Variants in DPP9 observed in about 807,000 individuals in gnomAD.
DPP9 encodes the protein dipeptidyl peptidase IV-related protein-2.
DPP9 carries 50 observed loss-of-function variants against 110.7 expected under a neutral mutation model. The ratio of observed to expected loss-of-function variants is 0.45; its 90% CI spans 0.36 to 0.57. DPP9 has a LOEUF of 0.57. Ranked by LOEUF, DPP9 falls within the 20% of genes least tolerant of loss-of-function variation. The probability of loss-of-function intolerance (pLI) is 0.00; values close to 1 mark genes in which losing one functional copy is unlikely to be tolerated. For missense variants in DPP9, 1,022 were observed against 1,217.9 expected, an observed-to-expected ratio of 0.84 and a Z score of 2.39; for synonymous variants, 561 against 514.4, an observed-to-expected ratio of 1.09 and a Z score of -1.23.
Position 4,676,854 on chromosome 19 carries a change from C to T in DPP9, c.2587-198G>A, listed in dbSNP as rs1157288519. ...TCTAAAAAATGGGGTGAATCCGGACCTCACAGTCTTTGGGAGGATTTGGTA... is the reference window on the plus strand; with the variant it reads ...TCTAAAAAATGGGGTGAATCCGGACTTCACAGTCTTTGGGAGGATTTGGTA... On this transcript the variant is annotated intron_variant, in intron 21 of 21. Transcript: ENST00000262960. This position sits in a 1 kb window ranked among gnomAD's most constrained non-coding sequence, Gnocchi z 4.0. Among the ~76,000 whole-genome samples, 1 of 152,220 alleles carries T rather than the reference C, an allele frequency of 6.6e-6. No individual in the cohort carries two copies. Among genetic ancestry groups the T allele is most frequent in the Non-Finnish European group, 1.5e-5 (1 of 68,042 alleles).
rs1359382309 is a variant in DPP9, at chr19:4,684,497, T to A, written c.2178+166A>T. ...CCAGAGCTGAGCAGCAAAGCATACA[T>A]CCCCTTTTGTTCTAAAAGGGCGCCT... On this transcript the variant is annotated intron_variant, in intron 18 of 21. Transcript: ENST00000262960. This position sits in a 1 kb window ranked among gnomAD's most constrained non-coding sequence, Gnocchi z 4.8. 2 of 721,746 alleles carry A rather than the reference T, an allele frequency of 2.8e-6. No homozygotes were observed. Among genetic ancestry groups the A allele is most frequent in the Non-Finnish European group, 4.5e-6 (2 of 444,780 alleles). 44.7% of individuals were successfully genotyped at this position (721,746 alleles called of 1,614,324 possible). A position where few individuals can be genotyped will look rare whatever the true frequency, so the allele number is the denominator to read the frequency against.
At chr19:4,678,700 T>C (rs1423643918) in intron 21 of DPP9, among the ~76,000 whole-genome samples, 2 of 152,126 alleles carry the variant, frequency 1.3e-5, no homozygotes, top group African/African-American at 2.4e-5. Context: ...GCCTCCCTCC[T>C]GCTCTGCGGC....
chr19:4,691,711 CTT>C (rs994040368), intron 13 of DPP9, among the ~76,000 whole-genome samples: 1 of 131,804 alleles, frequency 7.6e-6, no homozygotes, highest in African/African-American at 2.9e-5. Context: ...GAGTCTTGCT[CTT>C]GTCGCCCAGG....
rs2090238789 is a variant in DPP9, at chr19:4,683,606, C to T, written c.2202G>A (p.Gln734=). 1 of 1,612,984 alleles carries T rather than the reference C, an allele frequency of 6.2e-7. No homozygotes were observed. The highest frequency in any genetic ancestry group is 1.3e-5 in the African/African-American group (1 of 74,770). ...NQMGQVEIED[Q]VEGLQFVAEK... The stretch of plus-strand genomic sequence containing the variant: ...CGGCCACGAACTGCAGGCCCTCCAC[C>T]TGGTCCTCGATCTCCACCTGGCCCT... Residue 734 remains glutamine, a synonymous_variant, in exon 19 of 22, where the codon CAG becomes CAA. Coordinates refer to ENST00000262960, the MANE Select transcript of DPP9 (RefSeq NM_139159.5).
In DPP9 at chr19:4,695,157, GAA is replaced by G. The variant is rs909185897; in HGVS notation, c.1353+219_1353+220del. ...CAGAGCAACCCTGTCTCTAATTAAAGAAAAAAATAGATGAGGGGAGAGGCTCC... is the reference window on the plus strand; with the variant it reads ...CAGAGCAACCCTGTCTCTAATTAAAGAAAAATAGATGAGGGGAGAGGCTCC... On this transcript the variant is annotated intron_variant, in intron 12 of 21. Coordinates refer to ENST00000262960, the MANE Select transcript of DPP9 (RefSeq NM_139159.5). This position sits in a 1 kb window ranked among gnomAD's most constrained non-coding sequence, Gnocchi z 4.7. 1.6e-5 allele frequency: 9 copies of G among 579,608 alleles called. No homozygotes were observed. The highest frequency in any genetic ancestry group is 1.5e-4 in the African/African-American group (8 of 52,520). The allele number at this position is 579,608 out of a possible 1,614,324, so 35.9% of individuals were successfully genotyped here. A position where few individuals can be genotyped will look rare whatever the true frequency, so the allele number is the denominator to read the frequency against.
chr19:4,680,696 C>G (rs2089735773), intron 20 of DPP9, among the ~76,000 whole-genome samples: 1 of 150,730 alleles, frequency 6.6e-6, no homozygotes, highest in African/African-American at 2.5e-5. Context: ...GTGGCTTACA[C>G]CTGTAATCCC....
At chr19:4,709,348 A>G (rs1310237264) in intron 4 of DPP9, among the ~76,000 whole-genome samples, 1 of 152,198 alleles carries the variant, frequency 6.6e-6, no homozygotes, top group Non-Finnish European at 1.5e-5. Context: ...TACTTAAAGA[A>G]AAAGATTAGA....
Position 4,680,656 on chromosome 19 carries a change from T to TTAAA in DPP9, c.2475-711_2475-710insTTTA, listed in dbSNP as rs1459050744. Among the ~76,000 whole-genome samples the TTAAA allele has an allele frequency of 2.4e-5, 3 of 127,370 alleles. 1 individual carries two copies. Among genetic ancestry groups the TTAAA allele is most frequent in the African/African-American group, 8.5e-5 (3 of 35,164 alleles). The allele number at this position is 127,370 out of a possible 152,430, so 83.6% of individuals were successfully genotyped here. A position where few individuals can be genotyped will look rare whatever the true frequency, so the allele number is the denominator to read the frequency against. On this transcript the variant is annotated intron_variant, in intron 20 of 21. Transcript: ENST00000262960. ...CTGGGAGGGTGCAGTGAGCTATGATTAAAAAAAAAAAAAAAAAATGCTGAG... is the reference window on the plus strand; with the variant it reads ...CTGGGAGGGTGCAGTGAGCTATGATTTAAAAAAAAAAAAAAAAAAAAATGCTGAG...
intron 2 of DPP9, among the ~76,000 whole-genome samples, chr19:4,720,389 T>C (rs1402327099): frequency 1.3e-5 from 2 of 152,214 alleles, no homozygotes; most frequent in Non-Finnish European, 2.9e-5. Context: ...ACACAGCTTC[T>C]GCACGACGCA....
intron 3 of DPP9, chr19:4,719,352 A>AAATC (rs1599957888): frequency 6.6e-6 from 1 of 151,684 alleles, no homozygotes; most frequent in African/African-American, 2.4e-5. Context: ...ATAAATAAAT[A>AAATC]AATAAATAAA....
At position 4,684,499 on chromosome 19, in the gene DPP9, C is replaced by T. The variant is rs964808726; in HGVS notation, c.2178+164G>A. The T allele has an allele frequency of 2.7e-6, 2 of 731,410 alleles. No homozygotes were observed. Among genetic ancestry groups the T allele is most frequent in the African/African-American group, 1.8e-5 (1 of 55,930 alleles). The allele number at this position is 731,410 out of a possible 1,614,324, so 45.3% of individuals were successfully genotyped here. On this transcript the variant is annotated intron_variant, in intron 18 of 21. Coordinates refer to ENST00000262960, the MANE Select transcript of DPP9 (RefSeq NM_139159.5). The surrounding 1 kb of genome is among the most constrained non-coding windows in gnomAD (Gnocchi z 4.8). ...AGAGCTGAGCAGCAAAGCATACATC[C>T]CCTTTTGTTCTAAAAGGGCGCCTCA...
intron 16 of DPP9, chr19:4,688,460 AG>A (rs1390666354): frequency 5.8e-6 from 2 of 346,552 alleles, no homozygotes; most frequent in Non-Finnish European, 1.0e-5. Context: ...TCCCAGTGAC[AG>A]GGTCTGTGTC....
At chr19:4,696,870 A>G (rs2091845861) in intron 11 of DPP9, among the ~76,000 whole-genome samples, 1 of 152,222 alleles carries the variant, frequency 6.6e-6, no homozygotes, top group African/African-American at 2.4e-5. Flanking sequence ...GCATTAACCA[A>G]TGCAATTAGA....
intron 14 of DPP9, among the ~76,000 whole-genome samples, chr19:4,690,484 A>G (rs2145523424): frequency 6.6e-6 from 1 of 152,332 alleles, no homozygotes; most frequent in Non-Finnish European, 1.5e-5. Flanking sequence ...ACAAGCTTCC[A>G]GTCGGGGGAG....
chr19:4,711,834 A>T (rs891346677), intron 4 of DPP9, among the ~76,000 whole-genome samples: 1 of 150,958 alleles, frequency 6.6e-6, no homozygotes, highest in Non-Finnish European at 1.5e-5. Context: ...GAAGAGAAGA[A>T]GAGGAGGAGG....
chr19:4,719,126 G>C (rs1043377409), intron 3 of DPP9: 3 of 151,908 alleles, frequency 2.0e-5, no homozygotes, highest in Non-Finnish European at 2.9e-5. Flanking sequence ...TCAGGTGATC[G>C]AGACCATCCT....
chr19:4,699,902 G>C (rs968449887), intron 10 of DPP9, among the ~76,000 whole-genome samples: 1 of 152,210 alleles, frequency 6.6e-6, no homozygotes, highest in East Asian at 1.9e-4. Context: ...ACCCACTCCC[G>C]AGGTGGCCTG....
At position 4,676,946 on chromosome 19, in the gene DPP9, C is replaced by A. The variant is rs1486513721; in HGVS notation, c.2587-290G>T. On this transcript the variant is annotated intron_variant, in intron 21 of 21. Coordinates refer to ENST00000262960, the MANE Select transcript of DPP9 (RefSeq NM_139159.5). This position sits in a 1 kb window ranked among gnomAD's most constrained non-coding sequence, Gnocchi z 4.0. ...CACAGAGGAAAGATTTAGGAAGAAACCGTTTGCCTCTTTCCCCCAAACCGG... is the reference window on the plus strand; with the variant it reads ...CACAGAGGAAAGATTTAGGAAGAAAACGTTTGCCTCTTTCCCCCAAACCGG... Among the ~76,000 whole-genome samples the A allele has an allele frequency of 6.6e-6, 1 of 152,184 alleles. No homozygotes were observed. The highest frequency in any genetic ancestry group is 1.5e-5 in the Non-Finnish European group (1 of 68,046).
At chr19:4,697,672 G>A (rs1269599607) in intron 10 of DPP9, 21 bp from the exon 11 acceptor site, 4 of 1,608,774 alleles carry the variant, frequency 2.5e-6, no homozygotes, top group East Asian at 2.2e-5. Context: ...ACAAACAGGT[G>A]TGGGTCATGC....
Sources: gnomAD v4.1 joint callset for allele counts (sites outside exome capture counted in the v4.1 genomes callset) on GRCh38, gnomAD v4.1.1 for gene constraint, Gnocchi (gnomAD v3.1) non-coding constraint, MANE v1.5 for transcripts, NCBI Gene and HGNC (gene_info 2026-07-23, HGNC 2026-07-21) for gene names.